INPP4B: variants seen among roughly 807,000 people sequenced by gnomAD.
The protein encoded by INPP4B is inositol polyphosphate-4-phosphatase type II B, also known as inositol polyphosphate 4-phosphatase type II.
INPP4B carries 55 observed loss-of-function variants against 122.5 expected under a neutral mutation model. The observed-to-expected ratio is 0.45, with a 90% CI of 0.36 to 0.56. The LOEUF is 0.56. Among genes scored for constraint, INPP4B ranks in the 20% least tolerant of loss-of-function variants. The probability of loss-of-function intolerance (pLI) is 0.00; values close to 1 mark genes in which losing one functional copy is unlikely to be tolerated. For synonymous variants in INPP4B, 403 were observed against 388.7 expected (o/e 1.04, Z -0.43); for missense variants, 1,000 against 1,097.7 (o/e 0.91, Z 1.26).
chr4:142,228,116 TA>T (rs199829376), intron 12 of INPP4B, among the ~76,000 whole-genome samples: 3,581 of 151,910 alleles, frequency 0.024, 65 homozygotes, highest in Non-Finnish European at 0.036. Flanking sequence ...TCATCACAAA[TA>T]TTTTTTTATC....
chr4:142,157,839 A>G (rs756083989), intron 17 of INPP4B, among the ~76,000 whole-genome samples: 1 of 151,980 alleles, frequency 6.6e-6, no homozygotes, highest in Admixed American at 6.6e-5. Context: ...TTCGGTGCCT[A>G]TTTGAAACCT....
intron 1 of INPP4B, among the ~76,000 whole-genome samples, chr4:142,780,113 A>G (rs565949424): frequency 5.9e-5 from 9 of 152,286 alleles, no homozygotes; most frequent in South Asian, 4.1e-4. Context: ...TGCCACCTCA[A>G]TGACAGCTTA....
At chr4:142,335,034 T>G (rs888638640) in intron 7 of INPP4B, among the ~76,000 whole-genome samples, 1 of 141,200 alleles carries the variant, frequency 7.1e-6, no homozygotes, top group African/African-American at 2.7e-5. Context: ...TCTGGCCTTC[T>G]AAGACCTCCT....
At chr4:142,248,094 T>C (rs1443691614) in intron 11 of INPP4B, among the ~76,000 whole-genome samples, 1 of 152,012 alleles carries the variant, frequency 6.6e-6, no homozygotes, top group African/African-American at 2.4e-5. Flanking sequence ...CCAGGATATG[T>C]TTATATTGTA....
Position 142,562,814 on chromosome 4 carries a change from C to T in INPP4B, c.-190-100088G>A, listed in dbSNP as rs149882268. ...AATAATTTCCACGCCATTCTCTCTT[C>T]TCATGTTACTTGCAAAATGTTAGAT... On this transcript the variant is annotated intron_variant, in intron 2 of 25. Coordinates refer to ENST00000262992, the MANE Select transcript of INPP4B (RefSeq NM_001101669.3). 2.0e-3 allele frequency among the ~76,000 whole-genome samples: 312 copies of T among 152,210 alleles called. 2 individuals are homozygous for T. Among genetic ancestry groups the T allele is most frequent in the African/African-American group, 6.3e-3 (261 of 41,538 alleles).
intron 2 of INPP4B, among the ~76,000 whole-genome samples, chr4:142,675,121 AAGAAG>A (rs1239724375): frequency 2.0e-5 from 3 of 152,138 alleles, no homozygotes; most frequent in Non-Finnish European, 4.4e-5. Flanking sequence ...CAGACTAATA[AAGAAG>A]AGAAGAATCA....
chr4:142,787,666 A>G (rs1775942168), intron 1 of INPP4B, among the ~76,000 whole-genome samples: 1 of 152,058 alleles, frequency 6.6e-6, no homozygotes, highest in Non-Finnish European at 1.5e-5. Context: ...GGTTAATTAC[A>G]AATTTATATC....
chr4:142,522,071 T>C (rs1203407081), intron 2 of INPP4B, among the ~76,000 whole-genome samples: 3 of 152,172 alleles, frequency 2.0e-5, no homozygotes, highest in African/African-American at 4.8e-5. Flanking sequence ...TCTCCTCTAC[T>C]GGATTCAATA....
intron 8 of INPP4B, among the ~76,000 whole-genome samples, chr4:142,307,355 C>T (rs1425458821): frequency 2.0e-4 from 30 of 151,968 alleles, no homozygotes; most frequent in Non-Finnish European, 1.5e-5. Flanking sequence ...ACACTTATGA[C>T]CACCTGACAT....
At chr4:142,569,326 C>A (rs1055889243) in intron 2 of INPP4B, among the ~76,000 whole-genome samples, 3 of 151,278 alleles carry the variant, frequency 2.0e-5, no homozygotes, top group African/African-American at 7.3e-5. Flanking sequence ...CAACATATTC[C>A]TCTCTATGTT....
chr4:142,784,880 C>T (rs1775511187), intron 1 of INPP4B, among the ~76,000 whole-genome samples: 1 of 151,938 alleles, frequency 6.6e-6, no homozygotes, highest in Non-Finnish European at 1.5e-5. Context: ...AAAACAGCCC[C>T]CTTTAGGCTT....
intron 7 of INPP4B, among the ~76,000 whole-genome samples, chr4:142,360,639 T>C (rs1785077038): frequency 6.6e-6 from 1 of 151,962 alleles, no homozygotes; most frequent in Non-Finnish European, 1.5e-5. Flanking sequence ...AATATCTATA[T>C]TAATTCTGCA....
At chr4:142,472,707 T>C (rs1027330694) in intron 2 of INPP4B, among the ~76,000 whole-genome samples, 1 of 152,176 alleles carries the variant, frequency 6.6e-6, no homozygotes, top group African/African-American at 2.4e-5. Flanking sequence ...GGCCACCTGT[T>C]TCTCCAAAGC....
chr4:142,221,389 CAAAAAAAAAAAA>C (rs570703001), intron 12 of INPP4B, among the ~76,000 whole-genome samples: 3 of 28,556 alleles, frequency 1.1e-4, no homozygotes, highest in Admixed American at 5.0e-4. Flanking sequence ...GACTCCTTCT[CAAAAAAAAAAAA>C]AAAAAAAAAA....
intron 2 of INPP4B, among the ~76,000 whole-genome samples, chr4:142,529,935 T>C (rs1420114633): frequency 6.6e-6 from 1 of 152,068 alleles, no homozygotes; most frequent in African/African-American, 2.4e-5. Flanking sequence ...TTTGCAAAGG[T>C]TATAAAGCTA....
At chr4:142,029,719 G>A (rs1009199849) in intron 25 of INPP4B, 2 of 989,892 alleles carry the variant, frequency 2.0e-6, no homozygotes, top group African/African-American at 3.5e-5. Flanking sequence ...TTAGCACAGT[G>A]GAAATAAAGT....
At position 142,414,539 on chromosome 4, in the gene INPP4B, T is replaced by A. The variant is rs186799486; in HGVS notation, c.137-9215A>T. Among the ~76,000 whole-genome samples the A allele has an allele frequency of 1.3e-4, 20 of 152,256 alleles. No individual in the cohort carries two copies. In the East Asian group the frequency reaches 3.7e-3, roughly 28 times the overall value. ...GTACAGCAGACAGCTTATTTGCATATGAAAAGAAAAAATTTGGTTCAAATA... is the reference window on the plus strand; with the variant it reads ...GTACAGCAGACAGCTTATTTGCATAAGAAAAGAAAAAATTTGGTTCAAATA... On this transcript the variant is annotated intron_variant, in intron 5 of 25. Coordinates refer to ENST00000262992, the MANE Select transcript of INPP4B (RefSeq NM_001101669.3).
chr4:142,223,164 C>A (rs1850100858), intron 12 of INPP4B, among the ~76,000 whole-genome samples: 1 of 151,794 alleles, frequency 6.6e-6, no homozygotes, highest in Non-Finnish European at 1.5e-5. Context: ...AGGTTTCAAA[C>A]CCAGGGCTGT....
Position 142,145,983 on chromosome 4 carries a change from G to A in INPP4B, c.1577C>T (p.Ala526Val), listed in dbSNP as rs929138181. ...GCAGTTCAGGCTCTTCCCCACATTG[G>A]CCCACACCCTGTCCTGAAAAAAGCA... is the stretch of plus-strand genomic sequence containing the variant. The part of the protein sequence containing the change: ...YDEEEWDRVW[A>V]NVGKSLNCII... Residue 526 changes from alanine (A) to valine (V), a missense_variant, in exon 18 of 26, where the codon GCC (alanine) becomes GTC (valine). Ala to Val is a moderately conservative substitution (Grantham distance 64). Coordinates refer to ENST00000262992, the MANE Select transcript of INPP4B (RefSeq NM_001101669.3). The A allele has an allele frequency of 1.9e-6, 3 of 1,612,114 alleles. No homozygotes were observed. Among genetic ancestry groups the A allele is most frequent in the African/African-American group, 1.3e-5 (1 of 74,766 alleles).
Sources: allele counts gnomAD v4.1 joint callset (sites outside exome capture counted in the v4.1 genomes callset), GRCh38; gene constraint gnomAD v4.1.1; transcripts MANE v1.5; gene names NCBI Gene and HGNC (gene_info 2026-07-23, HGNC 2026-07-21).